Variants in AK1 observed in about 807,000 individuals in gnomAD.
The protein encoded by AK1 is adenylate kinase isoenzyme 1.
Under a neutral mutation model 23.9 loss-of-function variants are expected in AK1, and 13 were observed. That is an observed-to-expected ratio of 0.54 (90% CI 0.35 to 0.86). AK1 has a LOEUF of 0.86. Ranked by LOEUF, AK1 falls within the 40% of genes least tolerant of loss-of-function variation. The pLI is 0.01. For synonymous variants in AK1, 97 were observed against 102.8 expected (o/e 0.94, Z 0.34); for missense variants, 214 against 255.1 (o/e 0.84, Z 1.10).
intron 1 of AK1, among the ~76,000 whole-genome samples, chr9:127,876,083 A>G (rs1829532251): frequency 6.6e-6 from 1 of 152,172 alleles, no homozygotes; most frequent in Admixed American, 6.5e-5. Context: ...TGCCCTCTGC[A>G]ACCCTATCAG....
intron 5 of AK1, among the ~76,000 whole-genome samples, chr9:127,870,435 G>A (rs1173938870): frequency 6.6e-6 from 1 of 152,146 alleles, no homozygotes; most frequent in Non-Finnish European, 1.5e-5. Context: ...CTGACCTCAA[G>A]TGATCTGCCC....
rs1829495510 is a variant in AK1 at position 127,874,614 on chromosome 9, C to G, written c.4G>C (p.Glu2Gln). The change falls in exon 2 of 7, where the codon GAA (glutamate) becomes CAA (glutamine). Residue 2 changes from glutamate to glutamine, a missense_variant. Glu to Gln is a conservative substitution (Grantham distance 29). Transcript: ENST00000644144. M[E>Q]EKLKKTKIIF... ...CAAAAGGAGAGGAGGCTCATACCTTCCATCCTGCCGAGGTCCCGGGAGCCG... is the reference window on the plus strand; with the variant it reads ...CAAAAGGAGAGGAGGCTCATACCTTGCATCCTGCCGAGGTCCCGGGAGCCG... 6.2e-7 allele frequency: 1 copy of G among 1,613,564 alleles called. No individual in the cohort carries two copies. The highest frequency in any genetic ancestry group is 8.5e-7 in the Non-Finnish European group (1 of 1,179,982).
chr9:127,868,605 C>T lies in AK1; in HGVS notation c.325-93G>A. The T allele has an allele frequency of 2.9e-6, 4 of 1,396,150 alleles. No individual in the cohort carries two copies. The highest frequency in any genetic ancestry group is 1.2e-5 in the South Asian group (1 of 80,782). 86.5% of individuals were successfully genotyped at this position (1,396,150 alleles called of 1,614,324 possible). A position where few individuals can be genotyped will look rare whatever the true frequency, so the allele number is the denominator to read the frequency against. ...CCATCTATGAAGCCCCAGTAGATAC[C>T]CCCTCAGACCTTCAATCCCTTCCCC... is the stretch of plus-strand genomic sequence containing the variant. On this transcript the variant is annotated intron_variant, in intron 5 of 6. Coordinates refer to ENST00000644144, the MANE Select transcript of AK1 (RefSeq NM_000476.3). The surrounding 1 kb of genome is among the most constrained non-coding windows in gnomAD (Gnocchi z 4.1).
rs1193862828 is a variant in AK1, at chr9:127,868,454, C to T, written c.383G>A (p.Arg128Gln). Residue 128 changes from arginine (R) to glutamine (Q), a missense_variant, in exon 6 of 7, where the codon CGG becomes CAG. Physicochemically the swap from Arg to Gln is conservative, Grantham distance 43. Coordinates refer to ENST00000644144, the MANE Select transcript of AK1 (RefSeq NM_000476.3). The surrounding 1 kb of genome is among the most constrained non-coding windows in gnomAD (Gnocchi z 4.1). ...GCTGGTCTCTCCACGTTTCAAGAGC[C>T]GCTGGGTCATGGTCTCAGGGCCTGC... ...VDAGPETMTQ[R>Q]LLKRGETSGR... The T allele has an allele frequency of 8.1e-6, 13 of 1,609,126 alleles. No homozygotes were observed. Among genetic ancestry groups the T allele is most frequent in the Middle Eastern group, 1.7e-4 (1 of 5,978 alleles).
rs768549785 is a variant in AK1, at chr9:127,871,962, G to A, written c.208-23C>T. 6.9e-6 allele frequency: 11 copies of A among 1,588,870 alleles called. No homozygotes were observed. The African/African-American group carries it at 1.2e-4, about 17-fold the overall frequency. On this transcript the variant is annotated intron_variant, in intron 4 of 6. Coordinates refer to ENST00000644144, the MANE Select transcript of AK1 (RefSeq NM_000476.3). The surrounding 1 kb of genome is among the most constrained non-coding windows in gnomAD (Gnocchi z 4.4). ...CTCCTGGGGCACAGCAAAGGAGGAA[G>A]GGGCCATGAGCCTCTCCTCCCCATC...
intron 4 of AK1, among the ~76,000 whole-genome samples, 167 bp from the exon 5 acceptor site, chr9:127,872,106 CTGAGTGAATGAA>C (rs1829426399): frequency 6.6e-6 from 1 of 152,216 alleles, no homozygotes; most frequent in African/African-American, 2.4e-5. Context: ...GAGACCTGGA[CTGAGTGAATGAA>C]TGAATGAATG....
At chr9:127,872,049 A>C in intron 4 of AK1, 110 bp from the exon 5 acceptor site, 14 of 925,424 alleles carry the variant, frequency 1.5e-5, no homozygotes, top group Non-Finnish European at 2.3e-5. Context: ...CCCAACACAA[A>C]TGTCCCAAAC....
Position 127,872,771 on chromosome 9 carries a change from G to A in AK1, c.126C>T (p.Leu42=). 1 of 1,614,174 alleles carries A rather than the reference G, an allele frequency of 6.2e-7. No individual in the cohort carries two copies. The highest frequency in any genetic ancestry group is 8.5e-7 in the Non-Finnish European group (1 of 1,180,034). Reference sequence around the variant, plus strand: ...AGCCTGAGCTGACCTCGGACCGCAGGAGGTCCCCGGTGGAGAGGTGGGTGT... The same window carrying A: ...AGCCTGAGCTGACCTCGGACCGCAGAAGGTCCCCGGTGGAGAGGTGGGTGT... ...YGYTHLSTGD[L]LRSEVSSGSA... The change falls in exon 4 of 7, where the codon CTC becomes CTT. Residue 42 remains leucine (L), a synonymous_variant. Transcript: ENST00000644144.
Position 127,871,752 on chromosome 9 carries a change from G to T in AK1, c.324+71C>A. ...CTGACCTGCATCACAGCCCCCGCAG[G>T]CCCGCCCATGGGGATGGGAGTCTTA... On this transcript the variant is annotated intron_variant, in intron 5 of 6. Transcript: ENST00000644144. The surrounding 1 kb of genome is among the most constrained non-coding windows in gnomAD (Gnocchi z 4.4). 2.3e-6 allele frequency: 3 copies of T among 1,306,386 alleles called. No individual in the cohort carries two copies. The highest frequency in any genetic ancestry group is 2.4e-5 in the South Asian group (2 of 84,990). 80.9% of individuals were successfully genotyped at this position (1,306,386 alleles called of 1,614,324 possible).
At chr9:127,873,840 T>C in intron 2 of AK1, 1 of 985,402 alleles carries the variant, frequency 1.0e-6, no homozygotes, top group Non-Finnish European at 1.2e-6. Context: ...CACCTTGCTG[T>C]GTGACTTAGG....
At position 127,867,992 on chromosome 9, in the gene AK1, A is replaced by G. The variant is rs530826715; in HGVS notation, c.*16T>C. ...GTGGGGCGGGGCTCTGAGCTGGGGA[A>G]GCGGCTCCAGCGTTGCTACTTTAGG... On this transcript the variant is annotated 3_prime_UTR_variant, in exon 7 of 7. Coordinates refer to ENST00000644144, the MANE Select transcript of AK1 (RefSeq NM_000476.3). The G allele has an allele frequency of 1.2e-5, 20 of 1,613,702 alleles. No individual in the cohort carries two copies. In the South Asian group the frequency reaches 1.9e-4, roughly 15 times the overall value.
chr9:127,872,668 C>T (rs1829441115), intron 4 of AK1, 22 bp downstream of exon 4: 2 of 1,613,694 alleles, frequency 1.2e-6, no homozygotes, highest in Non-Finnish European at 1.7e-6. Flanking sequence ...CCCTGCCTCT[C>T]ACCCCACCAG....
At chr9:127,870,175 T>C (rs1159154788) in intron 5 of AK1, among the ~76,000 whole-genome samples, 1 of 148,960 alleles carries the variant, frequency 6.7e-6, no homozygotes, top group Non-Finnish European at 1.5e-5. Flanking sequence ...CAGCGGCACC[T>C]ACAACAGCCC....
rs374460965 is a variant in AK1, at chr9:127,873,065, C to A, written c.8-4G>T. 2.7e-5 allele frequency: 43 copies of A among 1,613,582 alleles called. No individual in the cohort carries two copies. Among genetic ancestry groups the A allele is most frequent in the Non-Finnish European group, 3.6e-5 (42 of 1,179,812 alleles). On this transcript the variant is annotated splice_polypyrimidine_tract_variant and splice_region_variant and intron_variant, in intron 2 of 6. Transcript: ENST00000644144. ...ATCTTGGTTTTCTTCAGCTTCTCTGCGGGAGAGAAAAGGGGAGCAGGGCTC... is the reference window on the plus strand; with the variant it reads ...ATCTTGGTTTTCTTCAGCTTCTCTGAGGGAGAGAAAAGGGGAGCAGGGCTC...
chr9:127,873,943 C>A (rs1257856274), intron 2 of AK1: 1 of 985,306 alleles, frequency 1.0e-6, no homozygotes, highest in South Asian at 4.7e-5. Flanking sequence ...AAGGCTGGAG[C>A]CCTACAGGAG....
chr9:127,873,176 C>T (rs778628389), intron 2 of AK1, 115 bp from the exon 3 acceptor site: 55 of 1,546,270 alleles, frequency 3.6e-5, no homozygotes, highest in Non-Finnish European at 4.5e-5. Context: ...ACACCGCTGG[C>T]GCTCCTGTCA....
At chr9:127,879,221 G>A (rs1829597490), upstream of AK1, among the ~76,000 whole-genome samples, 1 of 152,162 alleles carries the variant, frequency 6.6e-6, no homozygotes, top group Non-Finnish European at 1.5e-5. Flanking sequence ...GCACAGCCAC[G>A]GTGGGTGAGG....
intron 5 of AK1, among the ~76,000 whole-genome samples, chr9:127,869,841 C>T (rs1327800446): frequency 6.6e-6 from 1 of 152,234 alleles, no homozygotes; most frequent in Non-Finnish European, 1.5e-5. Context: ...ATCTGGGTCT[C>T]CAGGACCAAG....
At chr9:127,873,505 C>T (rs916229634) in intron 2 of AK1, 2 of 1,449,000 alleles carry the variant, frequency 1.4e-6, no homozygotes, top group Non-Finnish European at 1.8e-6. Flanking sequence ...AGGCCCTGGG[C>T]CGGCCCATCA....
Sources: gnomAD v4.1 joint callset for allele counts (sites outside exome capture counted in the v4.1 genomes callset) on GRCh38, gnomAD v4.1.1 for gene constraint, Gnocchi (gnomAD v3.1) non-coding constraint, MANE v1.5 for transcripts, NCBI Gene and HGNC (gene_info 2026-07-23, HGNC 2026-07-21) for gene names.